PTPRR: variants seen among roughly 807,000 people sequenced by gnomAD.
The protein encoded by PTPRR is protein tyrosine phosphatase receptor type R.
A neutral mutation model predicts 77.2 loss-of-function variants in PTPRR; 38 were observed. That is an observed-to-expected ratio of 0.49 (90% CI 0.38 to 0.65). The LOEUF (loss-of-function observed/expected upper bound fraction) is 0.65, where lower values mean the gene tolerates loss of function less well. Ranked by LOEUF, PTPRR falls within the 30% of genes least tolerant of loss-of-function variation. The pLI, the probability that PTPRR is intolerant of heterozygous loss-of-function variation, is 0.00. For missense variants in PTPRR, 744 were observed against 799.2 expected, an observed-to-expected ratio of 0.93 and a Z score of 0.83; for synonymous variants, 299 against 283.1, an observed-to-expected ratio of 1.06 and a Z score of -0.57.
intron 2 of PTPRR, among the ~76,000 whole-genome samples, chr12:70,843,322 G>C (rs1892428239): frequency 6.6e-6 from 1 of 152,144 alleles, no homozygotes; most frequent in Non-Finnish European, 1.5e-5. Flanking sequence ...GGCTACAAAA[G>C]TCTTTATGAA....
At chr12:70,898,648 C>A (rs536466369) in intron 1 of PTPRR, among the ~76,000 whole-genome samples, 17 of 150,274 alleles carry the variant, frequency 1.1e-4, no homozygotes, top group Non-Finnish European at 2.1e-4. Context: ...ATTAAATGGT[C>A]TCAAATCAAA....
rs35849407 is a variant in PTPRR, at chr12:70,696,177, AT to A, written c.1279+2087del. On this transcript the variant is annotated intron_variant, in intron 8 of 13. Coordinates refer to ENST00000283228, the MANE Select transcript of PTPRR (RefSeq NM_002849.4). Reference sequence around the variant, plus strand: ...TCATAGAAAATATTACTTCCTCTCCATTTTTTTTTTTTTGCCTAATTTCTCT... The same window carrying A: ...TCATAGAAAATATTACTTCCTCTCCATTTTTTTTTTTTGCCTAATTTCTCT... Among the ~76,000 whole-genome samples the A allele has an allele frequency of 5.5e-3, 783 of 141,684 alleles. 3 individuals carry two copies. Among genetic ancestry groups the A allele is most frequent in the African/African-American group, 0.015 (582 of 38,716 alleles). 93.0% of individuals were successfully genotyped at this position (141,684 alleles called of 152,430 possible). A position where few individuals can be genotyped will look rare whatever the true frequency, so the allele number is the denominator to read the frequency against.
chr12:70,680,037 TG>T (rs1411891495), intron 10 of PTPRR, among the ~76,000 whole-genome samples: 1 of 152,188 alleles, frequency 6.6e-6, no homozygotes, highest in Non-Finnish European at 1.5e-5. Flanking sequence ...TTTCTCTTTT[TG>T]ATTTGTGTAT....
At chr12:70,713,223 A>G (rs1267062391) in intron 6 of PTPRR, among the ~76,000 whole-genome samples, 1 of 152,170 alleles carries the variant, frequency 6.6e-6, no homozygotes, top group African/African-American at 2.4e-5. Flanking sequence ...AGCATCTATC[A>G]GTACTACATT....
chr12:70,795,787 G>T (rs1353327584), intron 2 of PTPRR, among the ~76,000 whole-genome samples: 2 of 151,940 alleles, frequency 1.3e-5, no homozygotes, highest in Non-Finnish European at 1.5e-5. Flanking sequence ...TATTTGATGT[G>T]CATACTTTAC....
At chr12:70,712,992 T>C (rs950096283) in intron 6 of PTPRR, among the ~76,000 whole-genome samples, 3 of 152,120 alleles carry the variant, frequency 2.0e-5, no homozygotes, top group African/African-American at 7.2e-5. Context: ...TTTTAAAGCA[T>C]TTTCCTCACT....
At chr12:70,850,684 C>T (rs1343057246) in intron 2 of PTPRR, among the ~76,000 whole-genome samples, 3 of 152,160 alleles carry the variant, frequency 2.0e-5, no homozygotes, top group African/African-American at 7.2e-5. Context: ...CTTGAAAACC[C>T]AGACCTCTCT....
chr12:70,639,473 C>T (rs1023919450), intron 13 of PTPRR, 196 bp from the exon 14 acceptor site: 1 of 1,370,644 alleles, frequency 7.3e-7, no homozygotes, highest in Non-Finnish European at 9.5e-7. Flanking sequence ...ATATAAAGGG[C>T]TTAACACAGT....
At chr12:70,833,868 ATTC>A (rs1892257570) in intron 2 of PTPRR, among the ~76,000 whole-genome samples, 1 of 152,090 alleles carries the variant, frequency 6.6e-6, no homozygotes, top group Non-Finnish European at 1.5e-5. Context: ...CTCCCATGCA[ATTC>A]TTCTTCAAAA....
Position 70,713,630 on chromosome 12 carries a change from A to G in PTPRR, c.1008-12307T>C, listed in dbSNP as rs117009705. 4.1e-3 allele frequency among the ~76,000 whole-genome samples: 608 copies of G among 147,174 alleles called. 5 individuals carry two copies. Among genetic ancestry groups the G allele is most frequent in the Non-Finnish European group, 6.8e-3 (456 of 67,318 alleles). Reference sequence around the variant, plus strand: ...AGTGTATCTCATTGTGGCTTTGGTTACATTTCCCTAATGACTGACAATGTT... The same window carrying G: ...AGTGTATCTCATTGTGGCTTTGGTTGCATTTCCCTAATGACTGACAATGTT... On this transcript the variant is annotated intron_variant, in intron 6 of 13. Coordinates refer to ENST00000283228, the MANE Select transcript of PTPRR (RefSeq NM_002849.4).
chr12:70,897,666 A>G (rs928483635), intron 1 of PTPRR, among the ~76,000 whole-genome samples: 1 of 152,096 alleles, frequency 6.6e-6, no homozygotes, highest in Non-Finnish European at 1.5e-5. Flanking sequence ...TATGTACCCA[A>G]AGGATTATAA....
intron 2 of PTPRR, among the ~76,000 whole-genome samples, chr12:70,867,649 C>A (rs1386197552): frequency 7.2e-5 from 11 of 151,916 alleles, no homozygotes; most frequent in Admixed American, 1.3e-4. Flanking sequence ...CCCCATCAAG[C>A]TACCAATGAC....
chr12:70,906,314 G>GC (rs1474255535), intron 1 of PTPRR, among the ~76,000 whole-genome samples: 1 of 151,920 alleles, frequency 6.6e-6, no homozygotes, highest in Non-Finnish European at 1.5e-5. Context: ...CAGTTAGACA[G>GC]ATTTTGCATG....
chr12:70,677,551 T>C (rs958765847), intron 10 of PTPRR, among the ~76,000 whole-genome samples: 2 of 152,212 alleles, frequency 1.3e-5, no homozygotes, highest in African/African-American at 4.8e-5. Context: ...GGGCTTGTCA[T>C]ATATGGACTT....
At chr12:70,674,680 C>T (rs1035307355) in intron 10 of PTPRR, among the ~76,000 whole-genome samples, 7 of 152,084 alleles carry the variant, frequency 4.6e-5, no homozygotes, top group Non-Finnish European at 1.0e-4. Context: ...AAATCTCATG[C>T]TTTGAAAATT....
At chr12:70,736,414 A>T (rs561803935) in intron 6 of PTPRR, among the ~76,000 whole-genome samples, 1 of 152,292 alleles carries the variant, frequency 6.6e-6, no homozygotes, top group South Asian at 2.1e-4. Flanking sequence ...CCCACAGATT[A>T]TAGGTGTGTA....
chr12:70,697,238 T>C (rs1036030563), intron 8 of PTPRR, among the ~76,000 whole-genome samples: 7 of 152,170 alleles, frequency 4.6e-5, no homozygotes, highest in African/African-American at 1.7e-4. Flanking sequence ...GCATTTTTTA[T>C]TGTCTATTTT....
chr12:70,807,862 A>T (rs1371419487), intron 2 of PTPRR, among the ~76,000 whole-genome samples: 1 of 152,198 alleles, frequency 6.6e-6, no homozygotes, highest in Non-Finnish European at 1.5e-5. Flanking sequence ...TTAACTGCAC[A>T]AATTGTTTAA....
At chr12:70,893,211 G>C (rs1196494063) in intron 1 of PTPRR, among the ~76,000 whole-genome samples, 1 of 151,776 alleles carries the variant, frequency 6.6e-6, no homozygotes, top group Non-Finnish European at 1.5e-5. Flanking sequence ...CTTTGAAAAA[G>C]TTCTATTTTT....
Sources: gnomAD v4.1 joint callset for allele counts (sites outside exome capture counted in the v4.1 genomes callset) on GRCh38, gnomAD v4.1.1 for gene constraint, MANE v1.5 for transcripts, NCBI Gene and HGNC (gene_info 2026-07-23, HGNC 2026-07-21) for gene names.